The following PAPLN variants were observed in gnomAD, a reference collection of about 807,000 sequenced individuals.
The protein encoded by PAPLN is papilin, proteoglycan like sulfated glycoprotein, also known as papilin.
A neutral mutation model predicts 159.0 loss-of-function variants in PAPLN; 146 were observed. The observed-to-expected ratio is 0.92, with a 90% CI of 0.80 to 1.05. The LOEUF is 1.05. Among genes scored for constraint, PAPLN ranks in the 50% least tolerant of loss-of-function variants. The pLI, the probability that PAPLN is intolerant of heterozygous loss-of-function variation, is 0.00. For synonymous variants in PAPLN, 734 were observed against 702.9 expected, an observed-to-expected ratio of 1.04 and a Z score of -0.70; for missense variants, 1,720 against 1,743.9, an observed-to-expected ratio of 0.99 and a Z score of 0.24.
chr14:73,245,429 T>G lies in PAPLN; in HGVS notation c.171-207T>G, dbSNP rs1338674816. 1.7e-6 allele frequency: 1 copy of G among 584,230 alleles called. No homozygotes were observed. Among genetic ancestry groups the G allele is most frequent in the Non-Finnish European group, 3.0e-6 (1 of 328,262 alleles). The allele number at this position is 584,230 out of a possible 1,614,324, so 36.2% of individuals were successfully genotyped here. ...CCTTAAATCCAAACTATAGGGTGGG[T>G]AGGGCTCTGAGTCCCGCTTCTCTGG... On this transcript the variant is annotated intron_variant, in intron 3 of 26. Transcript: ENST00000644200. This position sits in a 1 kb window ranked among gnomAD's most constrained non-coding sequence, Gnocchi z 4.2.
intron 22 of PAPLN, 120 bp downstream of exon 22, chr14:73,264,846 C>T: frequency 6.7e-7 from 1 of 1,491,884 alleles, no homozygotes; most frequent in Non-Finnish European, 9.0e-7. Flanking sequence ...GCTCAGGGCT[C>T]TGGGAGGCCA....
chr14:73,236,832 AAAGG>A (rs1883059459), upstream of PAPLN, among the ~76,000 whole-genome samples: 1 of 151,118 alleles, frequency 6.6e-6, no homozygotes, highest in African/African-American at 2.5e-5. Context: ...AAAAAAAAGA[AAAGG>A]AGGGAGGAAA....
In PAPLN at chr14:73,262,436, C is replaced by A; in HGVS notation, c.2332C>A (p.Gln778Lys). 6.2e-7 allele frequency: 1 copy of A among 1,613,872 alleles called. No individual in the cohort carries two copies. The highest frequency in any genetic ancestry group is 8.5e-7 in the Non-Finnish European group (1 of 1,179,870). The change falls in exon 19 of 27, where the codon CAA becomes AAA. Residue 778 changes from glutamine (Q) to lysine (K), a missense_variant. Physicochemically the swap from Gln to Lys is moderately conservative, Grantham distance 53. Coordinates refer to ENST00000644200, the MANE Select transcript of PAPLN (RefSeq NM_001365906.3). ...ARWYFVASVG[Q>K]CNRFWYGGCH... Reference sequence around the variant, plus strand: ...CTGGTACTTCGTTGCCTCTGTGGGCCAATGTAACCGCTTCTGGTATGGCGG... The same window carrying A: ...CTGGTACTTCGTTGCCTCTGTGGGCAAATGTAACCGCTTCTGGTATGGCGG...
At position 73,250,925 on chromosome 14, in the gene PAPLN, G is replaced by C. The variant is rs1357533855; in HGVS notation, c.484G>C (p.Glu162Gln). The C allele has an allele frequency of 1.9e-6, 3 of 1,613,186 alleles. No individual in the cohort carries two copies. Among genetic ancestry groups the C allele is most frequent in the Admixed American group, 3.3e-5 (2 of 59,968 alleles). Residue 162 changes from glutamate to glutamine, a missense_variant, in exon 7 of 27, where the codon GAG (glutamate) becomes CAG (glutamine). Glu to Gln is a conservative substitution (Grantham distance 29). Transcript: ENST00000644200. ...GSCRVVGCDHELDSSKQEDKC... is the reference protein window; with the variant it reads ...GSCRVVGCDHQLDSSKQEDKC... ...CCCACAGGTTGTCGGCTGTGATCAC[G>C]AGCTGGACTCGTCCAAGCAGGAGGA...
chr14:73,251,371 C>A, intron 7 of PAPLN, 115 bp from the exon 8 acceptor site: 1 of 1,147,858 alleles, frequency 8.7e-7, no homozygotes, highest in Non-Finnish European at 1.2e-6. Context: ...CCCTGTCTGG[C>A]TCTTGTGTAC....
rs778740900 is a variant in PAPLN, at chr14:73,260,830, G to C, written c.2106+1G>C. 12 of 1,499,352 alleles carry C rather than the reference G, an allele frequency of 8.0e-6. No individual in the cohort carries two copies. The highest frequency in any genetic ancestry group is 3.6e-4 in the Middle Eastern group (2 of 5,514). The allele number at this position is 1,499,352 out of a possible 1,614,324, so 92.9% of individuals were successfully genotyped here. A position where few individuals can be genotyped will look rare whatever the true frequency, so the allele number is the denominator to read the frequency against. On this transcript the variant is annotated splice_donor_variant, in intron 17 of 26. Coordinates refer to ENST00000644200, the MANE Select transcript of PAPLN (RefSeq NM_001365906.3). LOFTEE classifies it high-confidence loss of function. ...CAGGTCAAGGGCAGTGGCTTCTACA[G>C]TAAGTGTCTGGCCTGGGGGAGGGGA...
At position 73,246,064 on chromosome 14, in the gene PAPLN, G is replaced by GC; in HGVS notation, c.232-5dup. On this transcript the variant is annotated splice_polypyrimidine_tract_variant and intron_variant, in intron 4 of 26. Coordinates refer to ENST00000644200, the MANE Select transcript of PAPLN (RefSeq NM_001365906.3). ...CCTCCTGGATCCCGACTTCCCCTCC[G>GC]CCCCGCAGAGCTGCCCCGACGGCGC... The GC allele has an allele frequency of 6.5e-7, 1 of 1,529,694 alleles. No individual in the cohort carries two copies. Among genetic ancestry groups the GC allele is most frequent in the Non-Finnish European group, 8.8e-7 (1 of 1,142,534 alleles). The allele number at this position is 1,529,694 out of a possible 1,614,324, so 94.8% of individuals were successfully genotyped here. A position where few individuals can be genotyped will look rare whatever the true frequency, so the allele number is the denominator to read the frequency against.
rs201467395 is a variant in PAPLN, at chr14:73,251,712, T to C, written c.719T>C (p.Ile240Thr). The C allele has an allele frequency of 6.2e-7, 1 of 1,613,214 alleles. No homozygotes were observed. The highest frequency in any genetic ancestry group is 8.5e-7 in the Non-Finnish European group (1 of 1,179,970). ...GEYYLNGHWT[I>T]EAARALPAAS... is the part of the protein sequence containing the mutation. ...TACTACCTCAATGGGCACTGGACCATCGAGGCGGCCCGGGCCCTGCCAGCA... is the reference window on the plus strand; with the variant it reads ...TACTACCTCAATGGGCACTGGACCACCGAGGCGGCCCGGGCCCTGCCAGCA... The change falls in exon 9 of 27, where the codon ATC (isoleucine) becomes ACC (threonine). Residue 240 changes from isoleucine to threonine, a missense_variant. Ile to Thr is a moderately conservative substitution (Grantham distance 89). Transcript: ENST00000644200.
chr14:73,263,217 C>A (rs1375269997), intron 19 of PAPLN: 2 of 325,586 alleles, frequency 6.1e-6, no homozygotes, highest in African/African-American at 4.2e-5. Context: ...GTATACCTCA[C>A]AGGTGTGGGT....
At chr14:73,240,465 CAG>C (rs1491375971) in intron 2 of PAPLN, among the ~76,000 whole-genome samples, 7 of 151,928 alleles carry the variant, frequency 4.6e-5, no homozygotes, top group Admixed American at 2.6e-4. Context: ...ATTTTTGAGA[CAG>C]AGTCTCACTC....
At position 73,245,683 on chromosome 14, in the gene PAPLN, C is replaced by G. The variant is rs775700556; in HGVS notation, c.218C>G (p.Ser73Cys). The change falls in exon 4 of 27, where the codon TCT becomes TGT. Residue 73 changes from serine (S) to cysteine (C), a missense_variant. Ser to Cys is a moderately radical substitution (Grantham distance 112). Transcript: ENST00000644200. The surrounding 1 kb of genome is among the most constrained non-coding windows in gnomAD (Gnocchi z 4.2). The stretch of plus-strand genomic sequence containing the variant: ...GTGGGCCCCGCCCGGAGCCACCGCT[C>G]TTGTCGCACGGAGGTAAAGCTCACG... Reference protein sequence around the residue: ...SCVGPARSHRSCRTESCPDGA... With the variant: ...SCVGPARSHRCCRTESCPDGA... 1.9e-6 allele frequency: 3 copies of G among 1,552,808 alleles called. No individual in the cohort carries two copies. Among genetic ancestry groups the G allele is most frequent in the Non-Finnish European group, 2.6e-6 (3 of 1,151,704 alleles).
intron 1 of PAPLN, among the ~76,000 whole-genome samples, chr14:73,238,070 G>T (rs1178047914): frequency 6.6e-6 from 1 of 152,190 alleles, no homozygotes; most frequent in Non-Finnish European, 1.5e-5. Context: ...CGTTCCTGGG[G>T]TGGGGACGCG....
At position 73,259,283 on chromosome 14, in the gene PAPLN, TG is replaced by T; in HGVS notation, c.1725del (p.Trp575CysfsTer227). ...ESPASDSRGQ[W>X]WAAQEHPSAR... ...CTTCTTTCTAGACTCCAGAGGCCAG[TG>T]GTGGGCAGCCCAGGAACACCCCTCA... On this transcript the variant is annotated frameshift_variant, in exon 16 of 27. Transcript: ENST00000644200. LOFTEE classifies it high-confidence loss of function. The T allele has an allele frequency of 6.4e-7, 1 of 1,565,608 alleles. No individual in the cohort carries two copies. The highest frequency in any genetic ancestry group is 8.7e-7 in the Non-Finnish European group (1 of 1,153,620).
chr14:73,258,962 C>A lies in PAPLN; in HGVS notation c.1628-17C>A. The A allele has an allele frequency of 6.3e-7, 1 of 1,599,884 alleles. No homozygotes were observed. Among genetic ancestry groups the A allele is most frequent in the Non-Finnish European group, 8.5e-7 (1 of 1,172,948 alleles). On this transcript the variant is annotated splice_polypyrimidine_tract_variant and intron_variant, in intron 14 of 26. Transcript: ENST00000644200. ...TCCTCCCTCTCCGTCCCACATGGAC[C>A]TCCCGGCTCCCTGCAGAGGTCCCCA...
chr14:73,254,787 A>G (rs980675912), intron 13 of PAPLN, 90 bp from the exon 14 acceptor site: 4 of 1,590,820 alleles, frequency 2.5e-6, no homozygotes, highest in Non-Finnish European at 2.6e-6. Flanking sequence ...GACACGCGCC[A>G]CTGGGCACCT....
At chr14:73,264,792 A>G in intron 22 of PAPLN, 66 bp downstream of exon 22, 3 of 1,599,568 alleles carry the variant, frequency 1.9e-6, no homozygotes, top group Non-Finnish European at 2.6e-6. Flanking sequence ...GTCTCAGTGG[A>G]TAAGGAGGGG....
At chr14:73,241,057 C>T (rs562871888) in intron 2 of PAPLN, among the ~76,000 whole-genome samples, 1 of 152,182 alleles carries the variant, frequency 6.6e-6, no homozygotes, top group South Asian at 2.1e-4. Flanking sequence ...GGAGGCTGAG[C>T]AGGACTCCTC....
chr14:73,259,530 CCT>C lies in PAPLN; in HGVS notation c.1971_1972del (p.Cys658SerfsTer10), dbSNP rs1886323462. The C allele has an allele frequency of 1.3e-6, 2 of 1,580,082 alleles. No homozygotes were observed. Among genetic ancestry groups the C allele is most frequent in the Admixed American group, 3.5e-5 (2 of 56,438 alleles). ...CAGTGGCAAGGCTGCCCTGGGGCCC[CCT>C]GTCAGCAGAGCAGGTGGGTGCTGGA... On this transcript the variant is annotated frameshift_variant, in exon 16 of 27. Coordinates refer to ENST00000644200, the MANE Select transcript of PAPLN (RefSeq NM_001365906.3). LOFTEE classifies it high-confidence loss of function.
chr14:73,250,938 C>T lies in PAPLN; in HGVS notation c.497C>T (p.Ser166Phe), dbSNP rs199904190. 183 of 1,613,604 alleles carry T rather than the reference C, an allele frequency of 1.1e-4. 1 individual carries two copies. In the Middle Eastern group the frequency reaches 5.8e-3, roughly 51 times the overall value. The change falls in exon 7 of 27, where the codon TCC becomes TTC. Residue 166 changes from serine (S) to phenylalanine (F), a missense_variant. Transcript: ENST00000644200. The part of the protein sequence containing the change: ...VVGCDHELDS[S>F]KQEDKCLRCG... ...GGCTGTGATCACGAGCTGGACTCGTCCAAGCAGGAGGACAAGTGTCTGCGG... is the reference window on the plus strand; with the variant it reads ...GGCTGTGATCACGAGCTGGACTCGTTCAAGCAGGAGGACAAGTGTCTGCGG...
Sources: allele counts gnomAD v4.1 joint callset (sites outside exome capture counted in the v4.1 genomes callset), GRCh38; gene constraint gnomAD v4.1.1; non-coding constraint Gnocchi (gnomAD v3.1); transcripts MANE v1.5; gene names NCBI Gene and HGNC (gene_info 2026-07-23, HGNC 2026-07-21).